The following NAALADL2 variants were observed in gnomAD, a reference collection of about 807,000 sequenced individuals.
NAALADL2 encodes inactive N-acetylated-alpha-linked acidic dipeptidase-like protein 2.
A neutral mutation model predicts 87.2 loss-of-function variants in NAALADL2; 76 were observed. That is an observed-to-expected ratio of 0.87 (90% CI 0.72 to 1.05). The LOEUF (loss-of-function observed/expected upper bound fraction) is 1.05. NAALADL2 is among the 50% of genes least tolerant of loss of function. The probability of loss-of-function intolerance (pLI) is 0.00; values close to 1 mark genes in which losing one functional copy is unlikely to be tolerated. For synonymous variants in NAALADL2, 354 were observed against 331.0 expected (o/e 1.07, Z -0.75); for missense variants, 1,089 against 945.8 (o/e 1.15, Z -1.99).
chr3:175,134,425 G>C (rs1469095161), intron 2 of NAALADL2, among the ~76,000 whole-genome samples: 1 of 140,952 alleles, frequency 7.1e-6, no homozygotes, highest in African/African-American at 2.9e-5. Context: ...CAGCTACTCA[G>C]CTTTTTTGGG....
At chr3:175,638,071 G>GA (rs1728788197) in intron 11 of NAALADL2, among the ~76,000 whole-genome samples, 2 of 152,252 alleles carry the variant, frequency 1.3e-5, no homozygotes, top group East Asian at 3.9e-4. Context: ...TGACAAACAT[G>GA]AAAAAAGTTT....
chr3:174,562,450 T>A (rs573545047), intron 2 of NAALADL2, among the ~76,000 whole-genome samples: 1 of 152,144 alleles, frequency 6.6e-6, no homozygotes, highest in African/African-American at 2.4e-5. Context: ...ATGTGAAAAA[T>A]AAGAAAAATT....
intron 11 of NAALADL2, among the ~76,000 whole-genome samples, chr3:175,714,791 C>T (rs1044699830): frequency 2.6e-5 from 4 of 151,932 alleles, no homozygotes; most frequent in African/African-American, 9.7e-5. Context: ...GTTTTAGTCC[C>T]TATTTAATCA....
intron 11 of NAALADL2, among the ~76,000 whole-genome samples, chr3:175,708,717 C>T (rs1182144045): frequency 6.6e-6 from 1 of 151,586 alleles, no homozygotes; most frequent in Non-Finnish European, 1.5e-5. Context: ...TCCCTCCCCC[C>T]AAAGCCATTT....
At chr3:174,642,749 CATATATAT>C (rs71624288) in intron 2 of NAALADL2, among the ~76,000 whole-genome samples, 2,946 of 129,798 alleles carry the variant, frequency 0.023, 53 homozygotes, top group East Asian at 0.048. Flanking sequence ...TGAAAAAAAA[CATATATAT>C]ATATATATAT....
At chr3:175,590,133 A>G (rs1353514665) in intron 10 of NAALADL2, among the ~76,000 whole-genome samples, 1 of 150,104 alleles carries the variant, frequency 6.7e-6, no homozygotes, top group Non-Finnish European at 1.5e-5. Context: ...AATGGTGTGA[A>G]CCCGGGAGGT....
At chr3:174,584,699 G>A (rs1310281067) in intron 2 of NAALADL2, among the ~76,000 whole-genome samples, 6 of 152,066 alleles carry the variant, frequency 3.9e-5, no homozygotes, top group African/African-American at 1.4e-4. Context: ...ACCATCTCAA[G>A]TATTTAATCC....
intron 9 of NAALADL2, among the ~76,000 whole-genome samples, chr3:175,523,933 C>A (rs1354574491): frequency 1.3e-5 from 2 of 152,178 alleles, no homozygotes; most frequent in Non-Finnish European, 2.9e-5. Context: ...GAACTCATAT[C>A]TAAGTGCAAA....
chr3:175,300,787 AT>A (rs139616928), intron 4 of NAALADL2, among the ~76,000 whole-genome samples: 1,818 of 113,124 alleles, frequency 0.016, 21 homozygotes, highest in African/African-American at 0.042. Flanking sequence ...TTATTTATTT[AT>A]TTTATTTTAT....
At chr3:175,572,827 G>T (rs1458831825) in intron 9 of NAALADL2, among the ~76,000 whole-genome samples, 2 of 151,870 alleles carry the variant, frequency 1.3e-5, no homozygotes, top group African/African-American at 2.4e-5. Flanking sequence ...AGGCTGAGGT[G>T]GGAGGATCCC....
At chr3:175,716,388 C>T (rs1431159999) in intron 11 of NAALADL2, among the ~76,000 whole-genome samples, 4 of 148,514 alleles carry the variant, frequency 2.7e-5, no homozygotes, top group Non-Finnish European at 5.9e-5. Context: ...TATACACACA[C>T]ACTAACAAAA....
chr3:175,738,693 T>C (rs1377711391), intron 12 of NAALADL2, among the ~76,000 whole-genome samples: 1 of 152,200 alleles, frequency 6.6e-6, no homozygotes, highest in African/African-American at 2.4e-5. Context: ...CAGCTATTTG[T>C]TACCATACAA....
At chr3:175,251,766 A>G (rs968637953) in intron 3 of NAALADL2, among the ~76,000 whole-genome samples, 1 of 152,242 alleles carries the variant, frequency 6.6e-6, no homozygotes, top group Non-Finnish European at 1.5e-5. Flanking sequence ...TTGAAAGTCT[A>G]TAGAAAAGAC....
chr3:175,561,234 A>G (rs986687812), intron 9 of NAALADL2, among the ~76,000 whole-genome samples: 1 of 152,188 alleles, frequency 6.6e-6, no homozygotes, highest in Non-Finnish European at 1.5e-5. Flanking sequence ...TAATATTTGC[A>G]TATACCCTAT....
At chr3:175,640,151 C>A (rs1352129887) in intron 11 of NAALADL2, among the ~76,000 whole-genome samples, 1 of 152,098 alleles carries the variant, frequency 6.6e-6, no homozygotes, top group Non-Finnish European at 1.5e-5. Context: ...TTCATTAAAC[C>A]TCTCTAGATT....
intron 10 of NAALADL2, among the ~76,000 whole-genome samples, chr3:175,577,427 T>A (rs1202766433): frequency 6.6e-6 from 1 of 152,204 alleles, no homozygotes; most frequent in Non-Finnish European, 1.5e-5. Context: ...AGGGAGTAGT[T>A]TGTTAATTGT....
At chr3:175,659,963 A>T (rs1351904699) in intron 11 of NAALADL2, among the ~76,000 whole-genome samples, 3 of 152,170 alleles carry the variant, frequency 2.0e-5, no homozygotes, top group African/African-American at 7.2e-5. Flanking sequence ...AACAGGAATT[A>T]ATTGCTCACA....
intron 2 of NAALADL2, among the ~76,000 whole-genome samples, chr3:174,685,894 C>G (rs996108317): frequency 1.5e-4 from 23 of 150,690 alleles, no homozygotes; most frequent in African/African-American, 5.4e-4. Flanking sequence ...ATTTATCTCC[C>G]ATGTATAAGT....
At chr3:174,498,441 C>G (rs1267335116) in intron 1 of NAALADL2, among the ~76,000 whole-genome samples, 1 of 151,580 alleles carries the variant, frequency 6.6e-6, no homozygotes, top group Non-Finnish European at 1.5e-5. Context: ...AATTCTTTTT[C>G]CTTGTTAATA....
Sources: allele counts gnomAD v4.1 joint callset (sites outside exome capture counted in the v4.1 genomes callset), GRCh38; gene constraint gnomAD v4.1.1; transcripts MANE v1.5; gene names NCBI Gene and HGNC (gene_info 2026-07-23, HGNC 2026-07-21).